Variants in CYP11A1 observed in about 807,000 individuals in gnomAD.
CYP11A1 encodes cytochrome P450 family 11 subfamily A member 1.
Under a neutral mutation model 51.9 loss-of-function variants are expected in CYP11A1, and 25 were observed. The observed-to-expected ratio is 0.48, with a 90% CI of 0.35 to 0.67. The LOEUF (loss-of-function observed/expected upper bound fraction) is 0.67, where lower values mean the gene tolerates loss of function less well. Among genes scored for constraint, CYP11A1 ranks in the 30% least tolerant of loss-of-function variants. The probability of loss-of-function intolerance (pLI) is 0.00; values close to 1 mark genes in which losing one functional copy is unlikely to be tolerated. For synonymous variants in CYP11A1, 245 were observed against 262.1 expected, an observed-to-expected ratio of 0.93 and a Z score of 0.63; for missense variants, 578 against 680.9, an observed-to-expected ratio of 0.85 and a Z score of 1.68.
At chr15:74,338,379 G>T in intron 8 of CYP11A1, 192 bp downstream of exon 8, 1 of 728,166 alleles carries the variant, frequency 1.4e-6, no homozygotes, top group East Asian at 2.7e-5. Flanking sequence ...GCATCAGTGG[G>T]TGATGAGTGG....
chr15:74,361,682 A>C, intron 1 of CYP11A1: 1 of 1,222,446 alleles, frequency 8.2e-7, no homozygotes, highest in Non-Finnish European at 1.2e-6. Context: ...CTGGAGAGGA[A>C]GGATTTGGTT....
chr15:74,349,109 C>T (rs2060644650), intron 1 of CYP11A1, among the ~76,000 whole-genome samples: 1 of 152,160 alleles, frequency 6.6e-6, no homozygotes, highest in African/African-American at 2.4e-5. Context: ...CATGTCAACA[C>T]ACGGGGAAAA....
rs1555425948 is a variant in CYP11A1 at position 74,348,018 on chromosome 15, C to T, written c.307G>A (p.Asp103Asn). ...LGNVESVYVI[D>N]PEDVALLFKS... is the part of the protein sequence containing the mutation. ...AAGAGAAGGGCCACATCTTCAGGGT[C>T]GATGACATAAACCGACTCCACGTTG... Residue 103 changes from aspartate (D) to asparagine (N), a missense_variant, in exon 2 of 9, where the codon GAC (aspartate) becomes AAC (asparagine). Coordinates refer to ENST00000268053, the MANE Select transcript of CYP11A1 (RefSeq NM_000781.3). 5 of 1,614,140 alleles carry T rather than the reference C, an allele frequency of 3.1e-6. No individual in the cohort carries two copies. The highest frequency in any genetic ancestry group is 2.2e-5 in the South Asian group (2 of 91,082).
intron 1 of CYP11A1, among the ~76,000 whole-genome samples, chr15:74,359,821 G>A (rs1315552888): frequency 3.9e-5 from 6 of 152,114 alleles, no homozygotes; most frequent in African/African-American, 2.4e-5. Flanking sequence ...CCGGTGAAAG[G>A]ATAAGAATTT....
intron 5 of CYP11A1, among the ~76,000 whole-genome samples, chr15:74,340,492 A>ATCTT (rs2060601465): frequency 1.3e-5 from 2 of 152,162 alleles, no homozygotes; most frequent in Non-Finnish European, 2.9e-5. Flanking sequence ...TTGACACATT[A>ATCTT]TCTTACCAAG....
chr15:74,367,131 A>C (rs1349442548), intron 1 of CYP11A1, 186 bp downstream of exon 1: 1 of 650,418 alleles, frequency 1.5e-6, no homozygotes, highest in African/African-American at 1.8e-5. Flanking sequence ...CACAGATTCA[A>C]ATGTTGAATT....
Position 74,348,128 on chromosome 15 carries a change from C to T in CYP11A1, c.270-73G>A, listed in dbSNP as rs113729254. Reference sequence around the variant, plus strand: ...ATGGATACAGGCTCAGCACAGCTGCCTCACAGTTCCACAACTTGCTGACTG... The same window carrying T: ...ATGGATACAGGCTCAGCACAGCTGCTTCACAGTTCCACAACTTGCTGACTG... On this transcript the variant is annotated intron_variant, in intron 1 of 8. Transcript: ENST00000268053. The T allele has an allele frequency of 3.4e-3, 5,255 of 1,550,248 alleles. 161 individuals carry two copies. The African/African-American group carries it at 0.064, about 19-fold the overall frequency.
intron 1 of CYP11A1, among the ~76,000 whole-genome samples, chr15:74,366,439 A>G (rs2141248761): frequency 6.9e-6 from 1 of 144,670 alleles, no homozygotes; most frequent in Non-Finnish European, 1.5e-5. Flanking sequence ...CCCCGCCACC[A>G]TGCCCGGCTA....
chr15:74,349,112 G>A (rs942175320), intron 1 of CYP11A1, among the ~76,000 whole-genome samples: 9 of 152,128 alleles, frequency 5.9e-5, no homozygotes, highest in African/African-American at 2.2e-4. Flanking sequence ...GTCAACACAC[G>A]GGGAAAAGAT....
intron 1 of CYP11A1, chr15:74,366,271 C>G: frequency 1.1e-6 from 1 of 937,420 alleles, no homozygotes; most frequent in Admixed American, 6.5e-5. Flanking sequence ...AAATCTCCCT[C>G]CCCCGATTTT....
chr15:74,339,552 G>A, intron 6 of CYP11A1, 35 bp downstream of exon 6: 1 of 1,606,786 alleles, frequency 6.2e-7, no homozygotes, highest in Non-Finnish European at 8.5e-7. Flanking sequence ...CCCAGGGATT[G>A]GAGTTGGGGG....
At chr15:74,361,442 A>G (rs2060708381) in intron 1 of CYP11A1, 1 of 363,066 alleles carries the variant, frequency 2.8e-6, no homozygotes, top group African/African-American at 2.1e-5. Flanking sequence ...TTACATATCA[A>G]GAAAAGACTT....
chr15:74,337,781 G>T lies in CYP11A1; in HGVS notation c.*191C>A, dbSNP rs987038545. ...ACACCACATGGTTCAGCTGTTTATT[G>T]TCTCCATGGGGTGGGTGAAGAGGAG... On this transcript the variant is annotated 3_prime_UTR_variant, in exon 9 of 9. Coordinates refer to ENST00000268053, the MANE Select transcript of CYP11A1 (RefSeq NM_000781.3). 5.8e-6 allele frequency: 4 copies of T among 691,630 alleles called. No homozygotes were observed. Among genetic ancestry groups the T allele is most frequent in the Non-Finnish European group, 1.0e-5 (4 of 390,622 alleles). 42.8% of individuals were successfully genotyped at this position (691,630 alleles called of 1,614,324 possible). A position where few individuals can be genotyped will look rare whatever the true frequency, so the allele number is the denominator to read the frequency against.
At chr15:74,350,014 G>A (rs1288818527) in intron 1 of CYP11A1, among the ~76,000 whole-genome samples, 2 of 152,040 alleles carry the variant, frequency 1.3e-5, no homozygotes, top group Non-Finnish European at 2.9e-5. Context: ...TAAACGAAAC[G>A]AGATCTTTCC....
At chr15:74,351,815 G>A (rs917763542) in intron 1 of CYP11A1, among the ~76,000 whole-genome samples, 3 of 152,208 alleles carry the variant, frequency 2.0e-5, no homozygotes, top group African/African-American at 7.2e-5. Flanking sequence ...CTCTAAGCAG[G>A]GGGCCTGGTT....
At chr15:74,344,550 G>A (rs1347459510) in intron 3 of CYP11A1, among the ~76,000 whole-genome samples, 1 of 152,158 alleles carries the variant, frequency 6.6e-6, no homozygotes, top group Non-Finnish European at 1.5e-5. Flanking sequence ...TCTTCATCAA[G>A]CCACAGGGCC....
At chr15:74,364,905 G>C (rs977214804) in intron 1 of CYP11A1, among the ~76,000 whole-genome samples, 1 of 152,094 alleles carries the variant, frequency 6.6e-6, no homozygotes, top group Non-Finnish European at 1.5e-5. Flanking sequence ...GGTGCGGGGT[G>C]GGGGGAGCTC....
intron 1 of CYP11A1, chr15:74,362,276 A>C (rs191696993): frequency 3.5e-6 from 1 of 288,798 alleles, no homozygotes; most frequent in Non-Finnish European, 6.5e-6. Context: ...ATTCCTAGGA[A>C]AACAATTAAA....
rs534583261 is a variant in CYP11A1, at chr15:74,343,079, G to A, written c.888C>T (p.His296=). The A allele has an allele frequency of 2.0e-5, 33 of 1,613,828 alleles. No individual in the cohort carries two copies. In the East Asian group the frequency reaches 2.7e-4, roughly 13 times the overall value. Residue 296 remains histidine, a synonymous_variant, in exon 5 of 9, where the codon CAC becomes CAT. Transcript: ENST00000268053. ...WELRQKGSVH[H]DYRGILYRLL... The stretch of plus-strand genomic sequence containing the variant: ...GTCTGTAGAGGATGCCACGGTAATC[G>A]TGGTGAACACTTCCTTTCTGTCTCA...
Sources: gnomAD v4.1 joint callset for allele counts (sites outside exome capture counted in the v4.1 genomes callset) on GRCh38, gnomAD v4.1.1 for gene constraint, MANE v1.5 for transcripts, NCBI Gene and HGNC (gene_info 2026-07-23, HGNC 2026-07-21) for gene names.